GRIK2: variants seen among roughly 807,000 people sequenced by gnomAD.
The protein encoded by GRIK2 is glutamate receptor ionotropic, kainate 2.
Under a neutral mutation model 100.3 loss-of-function variants are expected in GRIK2, and 32 were observed. The ratio of observed to expected loss-of-function variants is 0.32; its 90% CI spans 0.24 to 0.43. The LOEUF (loss-of-function observed/expected upper bound fraction) is 0.43, where lower values mean the gene tolerates loss of function less well. GRIK2 is among the 20% of genes least tolerant of loss of function. The pLI is 1.00. For synonymous variants in GRIK2, 417 were observed against 389.4 expected, an observed-to-expected ratio of 1.07 and a Z score of -0.83; for missense variants, 843 against 1,114.9, an observed-to-expected ratio of 0.76 and a Z score of 3.47.
chr6:101,531,791 T>C (rs76474982), intron 2 of GRIK2, among the ~76,000 whole-genome samples: 1 of 152,018 alleles, frequency 6.6e-6, no homozygotes, highest in African/African-American at 2.4e-5. Context: ...AATGTTGAGC[T>C]ATCCTCGTGT....
chr6:101,447,849 A>G (rs1337552037), intron 2 of GRIK2, among the ~76,000 whole-genome samples: 1 of 151,694 alleles, frequency 6.6e-6, no homozygotes, highest in Non-Finnish European at 1.5e-5. Context: ...TAAGATTTGT[A>G]ACTTAAGCCA....
At chr6:101,590,505 A>T (rs1778592985) in intron 2 of GRIK2, among the ~76,000 whole-genome samples, 1 of 151,720 alleles carries the variant, frequency 6.6e-6, no homozygotes, top group Non-Finnish European at 1.5e-5. Flanking sequence ...TGATTGGCTG[A>T]CTCCATCCCA....
chr6:101,603,775 A>G (rs1019710313), intron 2 of GRIK2, among the ~76,000 whole-genome samples: 2 of 151,778 alleles, frequency 1.3e-5, no homozygotes, highest in African/African-American at 2.4e-5. Context: ...AGAACTATGT[A>G]TTGTGTGACA....
Position 101,585,102 on chromosome 6 carries a change from A to G in GRIK2, c.116-36847A>G, listed in dbSNP as rs182019429. ...ATGAATAATTGAGCAAGTTTATAAT[A>G]ATCTCCTTATAACCCTTAGGCATGA... On this transcript the variant is annotated intron_variant, in intron 2 of 16. Transcript: ENST00000369134. Among the ~76,000 whole-genome samples the G allele has an allele frequency of 9.2e-5, 14 of 152,116 alleles. No homozygotes were observed. In the South Asian group the frequency reaches 1.9e-3, roughly 20 times the overall value.
chr6:101,584,038 T>G (rs56101425), intron 2 of GRIK2, among the ~76,000 whole-genome samples: 1 of 152,008 alleles, frequency 6.6e-6, no homozygotes, highest in African/African-American at 2.4e-5. Context: ...GTTGATGTCA[T>G]GTGCATAAAT....
chr6:101,891,314 T>C (rs755515115), intron 12 of GRIK2, among the ~76,000 whole-genome samples: 3 of 151,882 alleles, frequency 2.0e-5, no homozygotes, highest in African/African-American at 7.2e-5. Context: ...GTCAGGAGAT[T>C]GAGACCATCC....
At chr6:101,840,180 G>T (rs1011560018) in intron 10 of GRIK2, among the ~76,000 whole-genome samples, 5 of 152,094 alleles carry the variant, frequency 3.3e-5, no homozygotes, top group Admixed American at 2.6e-4. Flanking sequence ...TCCAAAGAAG[G>T]TAAAAAGCAT....
chr6:101,633,756 C>T (rs1780878408), intron 4 of GRIK2, among the ~76,000 whole-genome samples: 1 of 152,096 alleles, frequency 6.6e-6, no homozygotes, highest in African/African-American at 2.4e-5. Context: ...TACACATACA[C>T]ACAAAGAGCA....
intron 14 of GRIK2, among the ~76,000 whole-genome samples, chr6:101,955,611 T>C (rs923847007): frequency 1.7e-5 from 2 of 115,506 alleles, no homozygotes; most frequent in Non-Finnish European, 4.0e-5. Context: ...TCTCTCTCTC[T>C]CTCTCCCCCC....
intron 8 of GRIK2, among the ~76,000 whole-genome samples, chr6:101,801,454 C>G (rs1780663296): frequency 6.6e-6 from 1 of 151,928 alleles, no homozygotes; most frequent in African/African-American, 2.4e-5. Context: ...ATCCAAATAT[C>G]ATATGGAGCC....
chr6:101,645,345 G>T (rs149872820), intron 4 of GRIK2, among the ~76,000 whole-genome samples: 207 of 151,870 alleles, frequency 1.4e-3, no homozygotes, highest in African/African-American at 4.8e-3. Flanking sequence ...TCTCTCAGGA[G>T]ATTAGCTTCC....
At chr6:101,718,166 A>T (rs1774200584) in intron 7 of GRIK2, among the ~76,000 whole-genome samples, 2 of 151,806 alleles carry the variant, frequency 1.3e-5, no homozygotes, top group African/African-American at 2.4e-5. Flanking sequence ...CTTAGGAAGG[A>T]TCAACTCTGC....
intron 4 of GRIK2, among the ~76,000 whole-genome samples, chr6:101,633,206 T>G (rs1780846017): frequency 6.6e-6 from 1 of 152,078 alleles, no homozygotes; most frequent in African/African-American, 2.4e-5. Context: ...GATGTTTGTG[T>G]GATGTGAGCC....
chr6:101,418,998 A>G (rs1474704672), intron 2 of GRIK2, among the ~76,000 whole-genome samples: 2 of 152,158 alleles, frequency 1.3e-5, no homozygotes, highest in Non-Finnish European at 2.9e-5. Flanking sequence ...CCTGGCCTTT[A>G]AGAGTAGAGG....
chr6:102,043,960 T>TTG (rs1179317803), intron 15 of GRIK2, among the ~76,000 whole-genome samples: 1 of 151,958 alleles, frequency 6.6e-6, no homozygotes, highest in Non-Finnish European at 1.5e-5. Context: ...TCCTCTGTGA[T>TTG]TGTGAGGCCT....
chr6:101,474,794 T>C (rs774454570), intron 2 of GRIK2, among the ~76,000 whole-genome samples: 12 of 151,912 alleles, frequency 7.9e-5, no homozygotes, highest in Non-Finnish European at 1.6e-4. Flanking sequence ...ATTAGATATC[T>C]TTTAAAAGTA....
chr6:102,013,829 A>G (rs1189352174), intron 14 of GRIK2, among the ~76,000 whole-genome samples: 4 of 151,956 alleles, frequency 2.6e-5, no homozygotes, highest in Non-Finnish European at 5.9e-5. Flanking sequence ...GATTCAATTT[A>G]CTAGTATTTT....
intron 7 of GRIK2, among the ~76,000 whole-genome samples, chr6:101,776,901 G>A (rs1024869907): frequency 2.6e-5 from 4 of 152,100 alleles, no homozygotes; most frequent in Non-Finnish European, 5.9e-5. Context: ...CTAACAGTGG[G>A]TGCAGAAGGG....
At chr6:101,677,009 T>C (rs1770891634) in intron 5 of GRIK2, among the ~76,000 whole-genome samples, 1 of 152,090 alleles carries the variant, frequency 6.6e-6, no homozygotes, top group South Asian at 2.1e-4. Context: ...AAACGGGTTG[T>C]TGGAAGTTTG....
Sources: gnomAD v4.1 joint callset for allele counts (sites outside exome capture counted in the v4.1 genomes callset) on GRCh38, gnomAD v4.1.1 for gene constraint, MANE v1.5 for transcripts, NCBI Gene and HGNC (gene_info 2026-07-23, HGNC 2026-07-21) for gene names.